Variants in NPRL3 observed in about 807,000 individuals in gnomAD.
NPRL3 encodes NPR3 like, GATOR1 complex subunit.
Under a neutral mutation model 57.2 loss-of-function variants are expected in NPRL3, and 23 were observed. The observed-to-expected ratio is 0.40, with a 90% CI of 0.29 to 0.57. NPRL3 has a LOEUF of 0.57. Ranked by LOEUF, NPRL3 falls within the 20% of genes least tolerant of loss-of-function variation. The probability of loss-of-function intolerance (pLI) is 0.42; values close to 1 mark genes in which losing one functional copy is unlikely to be tolerated. For missense variants in NPRL3, 691 were observed against 767.1 expected (o/e 0.90, Z 1.17); for synonymous variants, 333 against 321.1 (o/e 1.04, Z -0.39).
chr16:134,774 T>C (rs564249715), intron 2 of NPRL3, among the ~76,000 whole-genome samples: 47 of 141,582 alleles, frequency 3.3e-4, no homozygotes, highest in Middle Eastern at 3.8e-3. Flanking sequence ...CGATCTCGGC[T>C]CACTGCAAGC....
chr16:94,097 G>A (rs542951113), intron 9 of NPRL3, among the ~76,000 whole-genome samples: 1 of 151,904 alleles, frequency 6.6e-6, no homozygotes, highest in East Asian at 1.9e-4. Flanking sequence ...GATGATGGGT[G>A]TGGAGTCACT....
chr16:93,403 T>A, intron 9 of NPRL3, 78 bp from the exon 10 acceptor site: 1 of 911,584 alleles, frequency 1.1e-6, no homozygotes, highest in South Asian at 1.4e-5. Context: ...TCAGCCTGGG[T>A]GGCCATGGCC....
intron 5 of NPRL3, among the ~76,000 whole-genome samples, chr16:113,496 G>A (rs989176481): frequency 1.3e-5 from 2 of 152,166 alleles, no homozygotes; most frequent in Non-Finnish European, 2.9e-5. Context: ...AGGGGCCCTC[G>A]ACCCTCTGGA....
At chr16:138,511 GGAGGCGGAGGGGGCCTGAGTAGGGCA>G (rs1901245051) in intron 1 of NPRL3, 105 bp downstream of exon 1, 2 of 26,756 alleles carry the variant, frequency 7.5e-5, no homozygotes, top group African/African-American at 2.2e-4. Context: ...GGGCAGGGGT[GGAGGCGGAGGGGGCCTGAGTAGGGCA>G]GGGGTGGAGG....
intron 3 of NPRL3, chr16:123,365 G>A: frequency 2.6e-6 from 1 of 390,504 alleles, no homozygotes; most frequent in Non-Finnish European, 5.4e-6. Context: ...ATTCATGGGG[G>A]AACTGGGGCA....
Position 86,828 on chromosome 16 carries a change from A to G in NPRL3, c.1587T>C (p.Ile529=), listed in dbSNP as rs1176010410. The G allele has an allele frequency of 1.2e-6, 2 of 1,613,402 alleles. No homozygotes were observed. The highest frequency in any genetic ancestry group is 2.7e-5 in the African/African-American group (2 of 74,940). The change falls in exon 14 of 14, where the codon ATT becomes ATC. Residue 529 remains isoleucine (I), a synonymous_variant. Coordinates refer to ENST00000611875, the MANE Select transcript of NPRL3 (RefSeq NM_001077350.3). ...AGCGCCGCGTGTTCTCGTTGTACAT[A>G]ATCTCCTCCAGGTGGTGGCGGCCGC... ...YFRGRHHLEE[I]MYNENTRRSQ...
intron 9 of NPRL3, among the ~76,000 whole-genome samples, chr16:95,787 C>T (rs556818578): frequency 2.2e-4 from 33 of 152,276 alleles, no homozygotes; most frequent in Admixed American, 3.3e-4. Context: ...CTAGGCTGGT[C>T]GTGACCTCCT....
Position 100,409 on chromosome 16 carries a change from G to A in NPRL3, c.730C>T (p.Pro244Ser), listed in dbSNP as rs1225559784. Residue 244 changes from proline (P) to serine (S), a missense_variant, in exon 8 of 14, where the codon CCC becomes TCC. Transcript: ENST00000611875. The stretch of plus-strand genomic sequence containing the variant: ...AGGCTCCGTTCGATGGCCTCTGGGG[G>A]GATCAGACTGGAGGCCGCATAGTGG... ...KIHYAASSLI[P>S]PEAIERSLKA... 1 of 1,600,998 alleles carries A rather than the reference G, an allele frequency of 6.2e-7. No individual in the cohort carries two copies. The highest frequency in any genetic ancestry group is 8.5e-7 in the Non-Finnish European group (1 of 1,174,736).
chr16:132,950 T>C (rs189840282), intron 2 of NPRL3, among the ~76,000 whole-genome samples: 1 of 152,296 alleles, frequency 6.6e-6, no homozygotes, highest in Admixed American at 6.5e-5. Flanking sequence ...ATTACAGGCG[T>C]GAGCCACCGC....
At chr16:132,668 C>CTTTTTT (rs869062857) in intron 2 of NPRL3, among the ~76,000 whole-genome samples, 7 of 120,286 alleles carry the variant, frequency 5.8e-5, no homozygotes, top group Non-Finnish European at 8.6e-5. Flanking sequence ...AATTGTATTT[C>CTTTTTT]TTTTTTTTTT....
At chr16:118,819 G>A (rs74512489) in intron 4 of NPRL3, among the ~76,000 whole-genome samples, 2 of 151,684 alleles carry the variant, frequency 1.3e-5, no homozygotes, top group East Asian at 3.9e-4. Context: ...TGCCCAGAGG[G>A]TCTGTGCATG....
At chr16:118,338 C>T (rs1323302175) in intron 4 of NPRL3, among the ~76,000 whole-genome samples, 1 of 152,138 alleles carries the variant, frequency 6.6e-6, no homozygotes, top group Non-Finnish European at 1.5e-5. Flanking sequence ...AAGATGAGTT[C>T]CTCAGTGCTA....
intron 2 of NPRL3, among the ~76,000 whole-genome samples, chr16:134,080 G>A (rs767212716): frequency 6.6e-6 from 1 of 152,094 alleles, no homozygotes; most frequent in Non-Finnish European, 1.5e-5. Context: ...TTGAAATACT[G>A]CAAGAATTAC....
chr16:118,322 G>C (rs1900136361), intron 4 of NPRL3, among the ~76,000 whole-genome samples: 1 of 152,158 alleles, frequency 6.6e-6, no homozygotes, highest in South Asian at 2.1e-4. Context: ...CCTTCATCCT[G>C]CTAACAAGAT....
intron 5 of NPRL3, among the ~76,000 whole-genome samples, chr16:114,676 A>C (rs1899953512): frequency 6.6e-6 from 1 of 152,218 alleles, no homozygotes; most frequent in Non-Finnish European, 1.5e-5. Context: ...AAAAGGCTTT[A>C]GCAATCAGGA....
intron 2 of NPRL3, among the ~76,000 whole-genome samples, chr16:136,585 G>T (rs887756292): frequency 2.0e-5 from 3 of 151,794 alleles, no homozygotes; most frequent in Admixed American, 2.0e-4. Flanking sequence ...CCAGCTACTC[G>T]GGAGGCTGAG....
In NPRL3 at chr16:119,801, T is replaced by A. The variant is rs115674248; in HGVS notation, c.189-546A>T. Among the ~76,000 whole-genome samples the A allele has an allele frequency of 3.1e-3, 468 of 152,332 alleles. 3 individuals are homozygous for A. The highest frequency in any genetic ancestry group is 0.011 in the African/African-American group (446 of 41,572). The stretch of plus-strand genomic sequence containing the variant: ...GCATGGCTGCCCATCCGTTCCCTTA[T>A]CCCAAACACTTAAACTTTCCGGTTT... On this transcript the variant is annotated intron_variant, in intron 3 of 13. Coordinates refer to ENST00000611875, the MANE Select transcript of NPRL3 (RefSeq NM_001077350.3).
chr16:116,793 C>CCG (rs1555443778), intron 5 of NPRL3, among the ~76,000 whole-genome samples: 2 of 143,238 alleles, frequency 1.4e-5, no homozygotes, highest in African/African-American at 2.6e-5. Context: ...CGAGACCCCC[C>CCG]CCCCCCACCG....
chr16:106,804 AC>A (rs1899551371), intron 7 of NPRL3, among the ~76,000 whole-genome samples: 1 of 152,130 alleles, frequency 6.6e-6, no homozygotes, highest in Non-Finnish European at 1.5e-5. Context: ...GTCCTAGGTC[AC>A]CTGATCAGTA....
Sources: allele counts gnomAD v4.1 joint callset (sites outside exome capture counted in the v4.1 genomes callset), GRCh38; gene constraint gnomAD v4.1.1; transcripts MANE v1.5; gene names NCBI Gene and HGNC (gene_info 2026-07-23, HGNC 2026-07-21).